The following CSPP1 variants were observed in gnomAD, a reference collection of about 807,000 sequenced individuals.
The protein encoded by CSPP1 is centrosome and spindle pole associated protein 1, also known as centrosome and spindle pole-associated protein 1.
Under a neutral mutation model 164.4 loss-of-function variants are expected in CSPP1, and 126 were observed. The observed-to-expected ratio is 0.77, with a 90% CI of 0.66 to 0.89. The LOEUF (loss-of-function observed/expected upper bound fraction) is 0.89, where lower values mean the gene tolerates loss of function less well. Ranked by LOEUF, CSPP1 falls within the 40% of genes least tolerant of loss-of-function variation. The probability of loss-of-function intolerance (pLI) is 0.00; values close to 1 mark genes in which losing one functional copy is unlikely to be tolerated. For missense variants in CSPP1, 1,395 were observed against 1,449.8 expected (o/e 0.96, Z 0.61); for synonymous variants, 472 against 476.7 (o/e 0.99, Z 0.13).
chr8:67,147,122 A>C (rs1397525206), intron 17 of CSPP1, among the ~76,000 whole-genome samples: 2 of 152,260 alleles, frequency 1.3e-5, no homozygotes, highest in East Asian at 3.8e-4. Context: ...CCAGTTGAGA[A>C]GTCCATATAT....
At chr8:67,148,727 G>A (rs1215200965) in intron 17 of CSPP1, among the ~76,000 whole-genome samples, 1 of 152,156 alleles carries the variant, frequency 6.6e-6, no homozygotes, top group Admixed American at 6.5e-5. Context: ...TTTCAGTGCT[G>A]CCATACTGTT....
chr8:67,176,011 G>A (rs895779105), intron 26 of CSPP1, among the ~76,000 whole-genome samples: 1 of 150,350 alleles, frequency 6.7e-6, no homozygotes, highest in Non-Finnish European at 1.5e-5. Context: ...GTTATATTTT[G>A]TTGGAGAAGT....
chr8:67,116,120 C>T lies in CSPP1; in HGVS notation c.1494C>T (p.Pro498=). The T allele has an allele frequency of 6.2e-7, 1 of 1,610,044 alleles. No individual in the cohort carries two copies. The highest frequency in any genetic ancestry group is 1.7e-5 in the Admixed American group (1 of 59,998). ...GCGCCCTTGGTGAAATGGTGTCTCC[C>T]AGGTGCTTGTTTAAATGTTTTGTGT... ...LSSALGEMVS[P]RIAPLPPPPL... Residue 498 remains proline (P), a splice_region_variant and synonymous_variant, in exon 13 of 31, where the codon CCC becomes CCT. Coordinates refer to ENST00000678616, the MANE Select transcript of CSPP1 (RefSeq NM_001382391.1).
At chr8:67,093,777 A>G (rs1812113463) in intron 6 of CSPP1, 136 bp downstream of exon 6, 1 of 479,358 alleles carries the variant, frequency 2.1e-6, no homozygotes, top group South Asian at 5.2e-5. Context: ...ATTAAACCAA[A>G]CACAGGACAT....
At chr8:67,095,822 G>T in intron 7 of CSPP1, 90 bp downstream of exon 7, 1 of 758,714 alleles carries the variant, frequency 1.3e-6, no homozygotes. Flanking sequence ...ATTATACTAG[G>T]GAGAAGCAGT....
At chr8:67,156,690 T>C (rs1826738176) in intron 19 of CSPP1, among the ~76,000 whole-genome samples, 1 of 152,176 alleles carries the variant, frequency 6.6e-6, no homozygotes, top group Non-Finnish European at 1.5e-5. Context: ...TGCACAAAGA[T>C]GGTAAGAAAT....
At chr8:67,093,704 G>A in intron 6 of CSPP1, 63 bp downstream of exon 6, 3 of 942,156 alleles carry the variant, frequency 3.2e-6, no homozygotes, top group East Asian at 5.2e-5. Context: ...TTTTGTACTT[G>A]AAAAGCTTTT....
chr8:67,138,357 AT>A (rs1822788040), intron 17 of CSPP1, among the ~76,000 whole-genome samples: 2 of 152,188 alleles, frequency 1.3e-5, no homozygotes, highest in Admixed American at 1.3e-4. Context: ...TCATCTCTAG[AT>A]TACTTGTAAT....
intron 15 of CSPP1, among the ~76,000 whole-genome samples, chr8:67,125,313 G>C (rs1319097780): frequency 6.6e-6 from 1 of 152,102 alleles, no homozygotes; most frequent in Non-Finnish European, 1.5e-5. Flanking sequence ...TATGGTTTCT[G>C]ATAAGCTGTT....
At chr8:67,158,902 C>A in intron 20 of CSPP1, 89 bp from the exon 21 acceptor site, 1 of 1,122,668 alleles carries the variant, frequency 8.9e-7, no homozygotes, top group Non-Finnish European at 1.3e-6. Flanking sequence ...ATATCTTTAT[C>A]TCATTTTATC....
chr8:67,159,179 C>A (rs1173673395), intron 21 of CSPP1, 42 bp downstream of exon 21: 11 of 1,536,026 alleles, frequency 7.2e-6, no homozygotes, highest in Non-Finnish European at 9.7e-6. Context: ...CATAGTTTAA[C>A]TCACTTTCAC....
rs758310938 is a variant in CSPP1 at position 67,093,651 on chromosome 8, G to A, written c.483+10G>A. 1 of 1,534,098 alleles carries A rather than the reference G, an allele frequency of 6.5e-7. No individual in the cohort carries two copies. Among genetic ancestry groups the A allele is most frequent in the East Asian group, 2.3e-5 (1 of 44,362 alleles). On this transcript the variant is annotated intron_variant, in intron 6 of 30. Coordinates refer to ENST00000678616, the MANE Select transcript of CSPP1 (RefSeq NM_001382391.1). Reference sequence around the variant, plus strand: ...GGAAAAGAGTACTGAGGTAGGTTTTGCTTTTGAATTAAATCTGTACTACTA... The same window carrying A: ...GGAAAAGAGTACTGAGGTAGGTTTTACTTTTGAATTAAATCTGTACTACTA...
At chr8:67,082,349 C>T (rs908861509) in intron 3 of CSPP1, among the ~76,000 whole-genome samples, 17 of 152,196 alleles carry the variant, frequency 1.1e-4, no homozygotes, top group African/African-American at 4.1e-4. Flanking sequence ...AGCACCCAGC[C>T]TTGTAGTTTT....
Position 67,161,920 on chromosome 8 carries a change from G to T in CSPP1, c.2643+5G>T. The T allele has an allele frequency of 6.4e-7, 1 of 1,567,348 alleles. No individual in the cohort carries two copies. ...ATCATACGTTCCTTTATTCATGTAT[G>T]TACTTTTGTTTTTATTTGTTCATCC... On this transcript the variant is annotated splice_donor_5th_base_variant and intron_variant, in intron 22 of 30. Coordinates refer to ENST00000678616, the MANE Select transcript of CSPP1 (RefSeq NM_001382391.1).
At chr8:67,162,022 G>T (rs2129561836) in intron 22 of CSPP1, 107 bp downstream of exon 22, 3 of 719,508 alleles carry the variant, frequency 4.2e-6, no homozygotes, top group African/African-American at 1.8e-5. Context: ...AATTTTTTCA[G>T]ATCTGAAATA....
chr8:67,189,021 A>G (rs1165426073), intron 28 of CSPP1, among the ~76,000 whole-genome samples: 1 of 152,190 alleles, frequency 6.6e-6, no homozygotes, highest in Non-Finnish European at 1.5e-5. Context: ...GAGTTCTAAG[A>G]ACAAGGACCC....
At position 67,159,957 on chromosome 8, in the gene CSPP1, C is replaced by CCTTCTTTTCT. The variant is rs1554605789; in HGVS notation, c.2538+820_2538+821insCTTCTTTTCT. On this transcript the variant is annotated intron_variant, in intron 21 of 30. Transcript: ENST00000678616. ...TCCTTCCTTCCTTCCTTCCTTCCTT[C>CCTTCTTTTCT]TTTCTTTTCTTTTCTTTTCTTTTCT... Among the ~76,000 whole-genome samples, 37 of 20,018 alleles carry CCTTCTTTTCT rather than the reference C, an allele frequency of 1.8e-3. 3 individuals are homozygous for CCTTCTTTTCT. The highest frequency in any genetic ancestry group is 7.0e-3 in the Admixed American group (12 of 1,716). The allele number at this position is 20,018 out of a possible 152,430, so 13.1% of individuals were successfully genotyped here. A position where few individuals can be genotyped will look rare whatever the true frequency, so the allele number is the denominator to read the frequency against.
At chr8:67,077,578 C>T (rs1169127325) in intron 3 of CSPP1, among the ~76,000 whole-genome samples, 1 of 152,184 alleles carries the variant, frequency 6.6e-6, no homozygotes, top group East Asian at 1.9e-4. Context: ...CTCAGGTGAT[C>T]TGCCTGCCCG....
At position 67,083,716 on chromosome 8, in the gene CSPP1, C is replaced by A. The variant is rs181338803; in HGVS notation, c.200-2291C>A. 2.0e-5 allele frequency: 3 copies of A among 151,616 alleles called. No individual in the cohort carries two copies. The East Asian group carries it at 5.8e-4, about 29-fold the overall frequency. The allele number at this position is 151,616 out of a possible 1,614,324, so 9.4% of individuals were successfully genotyped here. A position where few individuals can be genotyped will look rare whatever the true frequency, so the allele number is the denominator to read the frequency against. Reference sequence around the variant, plus strand: ...TTTGTAAATTTGTAAATTGCTTGTTCCTGGATGGGCAGGTAGTGTGTTGGC... The same window carrying A: ...TTTGTAAATTTGTAAATTGCTTGTTACTGGATGGGCAGGTAGTGTGTTGGC... On this transcript the variant is annotated intron_variant, in intron 3 of 30. Transcript: ENST00000678616.
Sources: gnomAD v4.1 joint callset for allele counts (sites outside exome capture counted in the v4.1 genomes callset) on GRCh38, gnomAD v4.1.1 for gene constraint, MANE v1.5 for transcripts, NCBI Gene and HGNC (gene_info 2026-07-23, HGNC 2026-07-21) for gene names.